LTN1: variants seen among roughly 807,000 people sequenced by gnomAD.
The protein encoded by LTN1 is E3 ubiquitin-protein ligase listerin.
A neutral mutation model predicts 201.2 loss-of-function variants in LTN1; 88 were observed. The ratio of observed to expected loss-of-function variants is 0.44; its 90% CI spans 0.37 to 0.52. The LOEUF (loss-of-function observed/expected upper bound fraction) is 0.52. Among genes scored for constraint, LTN1 ranks in the 20% least tolerant of loss-of-function variants. The probability of loss-of-function intolerance (pLI) is 0.00; values close to 1 mark genes in which losing one functional copy is unlikely to be tolerated. For synonymous variants in LTN1, 645 were observed against 713.5 expected (o/e 0.90, Z 1.53); for missense variants, 1,752 against 2,038.7 (o/e 0.86, Z 2.71).
rs777084700 is a variant in LTN1, at chr21:28,956,941, T to G, written c.2900A>C (p.His967Pro). 1.3e-6 allele frequency: 2 copies of G among 1,578,936 alleles called. No individual in the cohort carries two copies. The highest frequency in any genetic ancestry group is 1.7e-6 in the Non-Finnish European group (2 of 1,161,456). The change falls in exon 16 of 30, where the codon CAT becomes CCT. Residue 967 changes from histidine to proline, a missense_variant. Around this residue, in one of 3 missense-constraint regions of LTN1, gnomAD observed 1,211 missense variants for 1,312.8 expected, o/e 0.92. Transcript: ENST00000361371. ...MRQSLPMQWL[H>P]RPLLEGRLSL... ...CAATCTTCCCTCTAAAAGAGGTCTA[T>G]GTAACCACTGTGAAAAGAATACGTT...
chr21:28,932,848 G>T (rs1368000112), intron 27 of LTN1, among the ~76,000 whole-genome samples, 184 bp from the exon 28 acceptor site: 1 of 152,180 alleles, frequency 6.6e-6, no homozygotes, highest in Non-Finnish European at 1.5e-5. Context: ...TATTTTTACA[G>T]TGATTTTGTG....
At chr21:28,943,477 A>T (rs2084313102) in intron 23 of LTN1, 141 bp from the exon 24 acceptor site, 2 of 681,266 alleles carry the variant, frequency 2.9e-6, no homozygotes, top group Non-Finnish European at 5.0e-6. Context: ...TATAGCCAGG[A>T]CTATTGAAAT....
At chr21:28,964,802 C>T (rs1014147089) in intron 11 of LTN1, 2 of 1,517,926 alleles carry the variant, frequency 1.3e-6, no homozygotes, top group Middle Eastern at 1.7e-4. Context: ...CTACTCTTAT[C>T]AAATTATTTG....
At chr21:28,970,812 C>G in intron 7 of LTN1, 70 bp from the exon 8 acceptor site, 1 of 1,170,460 alleles carries the variant, frequency 8.5e-7, no homozygotes, top group Non-Finnish European at 1.2e-6. Flanking sequence ...AAAGAGAAAA[C>G]ATATAGGCTC....
chr21:28,981,345 CA>C lies in LTN1; in HGVS notation c.630-47del, dbSNP rs760856844. The C allele has an allele frequency of 1.5e-5, 16 of 1,065,466 alleles. No homozygotes were observed. The Admixed American group carries it at 4.8e-4, about 32-fold the overall frequency. The allele number at this position is 1,065,466 out of a possible 1,614,324, so 66.0% of individuals were successfully genotyped here. ...ATATATTTAAAAATTTAGAATTAGC[CA>C]AACTATATATCTGGTGGTTCTATTT... is the stretch of plus-strand genomic sequence containing the variant. On this transcript the variant is annotated intron_variant, in intron 5 of 29. Coordinates refer to ENST00000361371, the MANE Select transcript of LTN1 (RefSeq NM_015565.3).
intron 9 of LTN1, among the ~76,000 whole-genome samples, chr21:28,968,930 G>T (rs961387489): frequency 6.6e-6 from 1 of 150,750 alleles, no homozygotes; most frequent in African/African-American, 2.4e-5. Flanking sequence ...TCTAAAACAG[G>T]GTTTTACAGG....
intron 11 of LTN1, chr21:28,960,947 C>CCCTTT (rs1568846205): frequency 3.7e-6 from 1 of 272,440 alleles, no homozygotes; most frequent in African/African-American, 2.4e-5. Context: ...CCACCCCCCC[C>CCCTTT]TTTTTTTTTT....
intron 9 of LTN1, among the ~76,000 whole-genome samples, chr21:28,968,387 G>T (rs2084544064): frequency 6.6e-6 from 1 of 152,036 alleles, no homozygotes; most frequent in African/African-American, 2.4e-5. Context: ...CAAAAATAAG[G>T]GTAGAGACAT....
intron 29 of LTN1, among the ~76,000 whole-genome samples, chr21:28,930,754 T>C (rs112267003): frequency 1.3e-5 from 2 of 152,236 alleles, no homozygotes; most frequent in African/African-American, 2.4e-5. Context: ...AGAAATCTCC[T>C]GTGAAACAAA....
chr21:28,984,231 A>G (rs896888999), intron 4 of LTN1, among the ~76,000 whole-genome samples: 36 of 152,148 alleles, frequency 2.4e-4, no homozygotes, highest in Non-Finnish European at 1.2e-4. Context: ...TAAAAATTGG[A>G]AAAAAATCCA....
chr21:28,988,157 C>CAAAAAAAAA (rs1555848864), intron 1 of LTN1, among the ~76,000 whole-genome samples: 2 of 96,596 alleles, frequency 2.1e-5, no homozygotes, highest in Non-Finnish European at 4.7e-5. Flanking sequence ...AAAAAAAAAA[C>CAAAAAAAAA]AACAAAAAAA....
chr21:28,934,988 C>T (rs1179016853), intron 27 of LTN1, 121 bp downstream of exon 27: 3 of 713,968 alleles, frequency 4.2e-6, no homozygotes, highest in South Asian at 3.6e-5. Flanking sequence ...TGAGCCACGA[C>T]TCCTGGCCAC....
At chr21:28,974,060 T>C (rs2084596355) in intron 6 of LTN1, among the ~76,000 whole-genome samples, 1 of 151,998 alleles carries the variant, frequency 6.6e-6, no homozygotes, top group Non-Finnish European at 1.5e-5. Context: ...ATATAGAAAA[T>C]CTTTGCAAAC....
chr21:28,958,659 AT>A (rs2084447597), intron 13 of LTN1, 120 bp from the exon 14 acceptor site: 1 of 667,850 alleles, frequency 1.5e-6, no homozygotes, highest in African/African-American at 1.9e-5. Context: ...AAAAAGAAAA[AT>A]TTTAAATTGC....
chr21:28,944,274 T>C, intron 22 of LTN1, 109 bp downstream of exon 22: 1 of 795,808 alleles, frequency 1.3e-6, no homozygotes, highest in Non-Finnish European at 2.0e-6. Context: ...TGGCTTTTTC[T>C]TTTACTATTT....
At chr21:28,951,814 TAAA>T (rs1215625217) in intron 18 of LTN1, among the ~76,000 whole-genome samples, 1 of 151,610 alleles carries the variant, frequency 6.6e-6, no homozygotes, top group African/African-American at 2.4e-5. Context: ...CCTACAAAAT[TAAA>T]AAATTAGCCA....
chr21:28,970,207 T>C (rs552203083), intron 8 of LTN1, among the ~76,000 whole-genome samples: 1 of 152,242 alleles, frequency 6.6e-6, no homozygotes, highest in African/African-American at 2.4e-5. Flanking sequence ...TTTCTGCATT[T>C]AGGCATTTGT....
intron 27 of LTN1, among the ~76,000 whole-genome samples, chr21:28,933,064 C>G (rs1257417909): frequency 6.6e-6 from 1 of 152,154 alleles, no homozygotes; most frequent in Non-Finnish European, 1.5e-5. Context: ...AGCTTTGGAG[C>G]CAACTATCAA....
chr21:28,971,888 T>C (rs1161103306), intron 6 of LTN1, among the ~76,000 whole-genome samples: 1 of 152,046 alleles, frequency 6.6e-6, no homozygotes, highest in Admixed American at 6.6e-5. Context: ...AGAAAAAGGA[T>C]CCTGGAAAAA....
Sources: gnomAD v4.1 joint callset for allele counts (sites outside exome capture counted in the v4.1 genomes callset) on GRCh38, gnomAD v4.1.1 for gene constraint, gnomAD v4.1.1 regional missense constraint, MANE v1.5 for transcripts, NCBI Gene and HGNC (gene_info 2026-07-23, HGNC 2026-07-21) for gene names.